Variants in MINAR1 observed in about 807,000 individuals in gnomAD.
MINAR1 encodes the protein membrane integral NOTCH2 associated receptor 1.
Under a neutral mutation model 65.1 loss-of-function variants are expected in MINAR1, and 40 were observed. The observed-to-expected ratio is 0.61, with a 90% CI of 0.48 to 0.80. The LOEUF is 0.80. Ranked by LOEUF, MINAR1 falls within the 30% of genes least tolerant of loss-of-function variation. The probability of loss-of-function intolerance (pLI) is 0.00; values close to 1 mark genes in which losing one functional copy is unlikely to be tolerated. For missense variants in MINAR1, 1,128 were observed against 1,148.0 expected (o/e 0.98, Z 0.25); for synonymous variants, 482 against 449.1 (o/e 1.07, Z -0.93).
chr15:79,456,936 T>C lies in MINAR1; in HGVS notation c.789T>C (p.Asp263=). 1 of 1,614,058 alleles carries C rather than the reference T, an allele frequency of 6.2e-7. No homozygotes were observed. Residue 263 remains aspartate (D), a synonymous_variant, in exon 2 of 4, where the codon GAT becomes GAC. Transcript: ENST00000305428. ...AGAAAAGGAATATCTTCAAAGAGGA[T>C]TTTCACAATTTGATGGCAGTGTCCC... ...CVQKRNIFKE[D]FHNLMAVSPS... is the part of the protein sequence containing the mutation.
upstream of MINAR1, among the ~76,000 whole-genome samples, chr15:79,430,189 G>T (rs1894404987): frequency 6.6e-6 from 1 of 152,104 alleles, no homozygotes; most frequent in Non-Finnish European, 1.5e-5. Flanking sequence ...TTCCAAAAGG[G>T]TTATTTCAGA....
chr15:79,466,296 A>G (rs1011398246), intron 3 of MINAR1, among the ~76,000 whole-genome samples: 28 of 152,160 alleles, frequency 1.8e-4, no homozygotes, highest in African/African-American at 6.3e-4. Flanking sequence ...GTCGCATAGC[A>G]TGTTCTAGAA....
chr15:79,466,563 T>C (rs895658626), intron 3 of MINAR1, among the ~76,000 whole-genome samples: 2 of 151,942 alleles, frequency 1.3e-5, no homozygotes, highest in African/African-American at 4.9e-5. Flanking sequence ...AAAAAATCAC[T>C]AAAAATCACT....
chr15:79,445,302 A>G (rs1350205552), intron 1 of MINAR1, among the ~76,000 whole-genome samples: 5 of 152,100 alleles, frequency 3.3e-5, no homozygotes. Context: ...AGATAAGGAA[A>G]CTAAAGTACA....
rs1895492553 is a variant in MINAR1 at position 79,457,856 on chromosome 15, G to T, written c.1709G>T (p.Gly570Val). The T allele has an allele frequency of 2.5e-6, 4 of 1,614,014 alleles. No individual in the cohort carries two copies. The South Asian group carries it at 3.3e-5, about 13-fold the overall frequency. Residue 570 changes from glycine (G) to valine (V), a missense_variant, in exon 2 of 4, where the codon GGG (glycine) becomes GTG (valine). Physicochemically the swap from Gly to Val is moderately radical, Grantham distance 109. Coordinates refer to ENST00000305428, the MANE Select transcript of MINAR1 (RefSeq NM_015206.3). ...PEHNLTKIAN[G>V]VPNSKGDKGN... ...CACAACTTAACCAAAATTGCCAATG[G>T]GGTCCCCAACAGCAAGGGAGACAAG...
intron 3 of MINAR1, among the ~76,000 whole-genome samples, chr15:79,467,749 T>G (rs1022504391): frequency 6.6e-6 from 1 of 152,242 alleles, no homozygotes. Flanking sequence ...AAAGAAGAAC[T>G]GACTCAGAGT....
chr15:79,458,253 C>T lies in MINAR1; in HGVS notation c.2106C>T (p.Ser702=), dbSNP rs142061061. ...TGCGGGTCAAGGCCTTAAAAAAAAG[C>T]CTCTTCACCAGGCCATCCTCTAGGT... The part of the protein sequence containing the change: ...ESLRVKALKK[S]LFTRPSSRSL... Residue 702 remains serine, a synonymous_variant, in exon 2 of 4, where the codon AGC becomes AGT. Coordinates refer to ENST00000305428, the MANE Select transcript of MINAR1 (RefSeq NM_015206.3). 1.3e-4 allele frequency: 213 copies of T among 1,614,106 alleles called. No homozygotes were observed. The highest frequency in any genetic ancestry group is 1.7e-4 in the Non-Finnish European group (204 of 1,180,034).
At chr15:79,428,433 C>G (rs1274973483), upstream of MINAR1, among the ~76,000 whole-genome samples, 6 of 129,798 alleles carry the variant, frequency 4.6e-5, no homozygotes, top group Non-Finnish European at 8.3e-5. Context: ...TCTTTCCTTC[C>G]TTTCTTCCCC....
chr15:79,461,799 C>G (rs1286216689), intron 2 of MINAR1, among the ~76,000 whole-genome samples: 1 of 152,002 alleles, frequency 6.6e-6, no homozygotes, highest in African/African-American at 2.4e-5. Flanking sequence ...GCTTCCAACC[C>G]CTATGCAAGC....
upstream of MINAR1, among the ~76,000 whole-genome samples, chr15:79,427,786 T>C (rs148047713): frequency 7.9e-5 from 12 of 152,328 alleles, no homozygotes; most frequent in East Asian, 2.1e-3. Flanking sequence ...TGAGGCTTAA[T>C]AGAATGAGAT....
chr15:79,436,351 C>A (rs143698191), intron 1 of MINAR1, among the ~76,000 whole-genome samples: 1 of 152,150 alleles, frequency 6.6e-6, no homozygotes, highest in Non-Finnish European at 1.5e-5. Flanking sequence ...AGCACCACAT[C>A]GTGGCATGCG....
Position 79,432,482 on chromosome 15 carries a change from C to G in MINAR1, c.-109C>G, listed in dbSNP as rs1161492825. 1 of 152,238 alleles carries G rather than the reference C, an allele frequency of 6.6e-6. No homozygotes were observed. Among genetic ancestry groups the G allele is most frequent in the Non-Finnish European group, 1.5e-5 (1 of 68,078 alleles). The allele number at this position is 152,238 out of a possible 1,614,324, so 9.4% of individuals were successfully genotyped here. On this transcript the variant is annotated 5_prime_UTR_variant, in exon 1 of 4. Transcript: ENST00000305428. Reference sequence around the variant, plus strand: ...CATCGGAGGCCGTGCGGACCACTGCCGAACAGCCGCTGGAGACCCGCAGAG... The same window carrying G: ...CATCGGAGGCCGTGCGGACCACTGCGGAACAGCCGCTGGAGACCCGCAGAG...
intron 1 of MINAR1, among the ~76,000 whole-genome samples, chr15:79,450,183 G>A (rs886738713): frequency 6.6e-6 from 1 of 152,140 alleles, no homozygotes; most frequent in Non-Finnish European, 1.5e-5. Flanking sequence ...GTTACTCTCT[G>A]GACCCCAGTT....
chr15:79,471,532 TA>T lies in MINAR1; in HGVS notation c.*3149del, dbSNP rs1371347202. ...CCATTACTAGCTGATCATAAATTGT[TA>T]GTATTTTAAGGTATGCAACTATGTG... On this transcript the variant is annotated 3_prime_UTR_variant, in exon 4 of 4. Coordinates refer to ENST00000305428, the MANE Select transcript of MINAR1 (RefSeq NM_015206.3). The T allele has an allele frequency of 1.3e-5, 2 of 152,574 alleles. No homozygotes were observed. Among genetic ancestry groups the T allele is most frequent in the East Asian group, 3.8e-4 (2 of 5,202 alleles). 9.5% of individuals were successfully genotyped at this position (152,574 alleles called of 1,614,324 possible). A position where few individuals can be genotyped will look rare whatever the true frequency, so the allele number is the denominator to read the frequency against.
chr15:79,424,427 A>C, the MINAR1 span: 37 of 152,236 alleles, frequency 2.4e-4, no homozygotes, highest in Admixed American at 2.2e-3. Context: ...TTAGAACAGC[A>C]TTAGAGAACT....
At position 79,456,820 on chromosome 15, in the gene MINAR1, A is replaced by C. The variant is rs751008922; in HGVS notation, c.673A>C (p.Ile225Leu). The C allele has an allele frequency of 6.2e-7, 1 of 1,614,048 alleles. No homozygotes were observed. Among genetic ancestry groups the C allele is most frequent in the African/African-American group, 1.3e-5 (1 of 74,920 alleles). The change falls in exon 2 of 4, where the codon ATT becomes CTT. Residue 225 changes from isoleucine (I) to leucine (L), a missense_variant. By Grantham distance (5) the Ile-to-Leu change is conservative. Transcript: ENST00000305428. ...CCCCATGAACATCGAAAACGAGTCC[A>C]TTTCAGACCAGGACTCCCTGCCCAT... ...YFPMNIENESISDQDSLPINQ... is the reference protein window; with the variant it reads ...YFPMNIENESLSDQDSLPINQ...
At chr15:79,449,293 C>G (rs1389360894) in intron 1 of MINAR1, among the ~76,000 whole-genome samples, 1 of 152,206 alleles carries the variant, frequency 6.6e-6, no homozygotes, top group African/African-American at 2.4e-5. Context: ...CAGTTCCCAG[C>G]TCTCATTTAC....
At chr15:79,446,659 T>G (rs947492558) in intron 1 of MINAR1, among the ~76,000 whole-genome samples, 3 of 152,210 alleles carry the variant, frequency 2.0e-5, no homozygotes, top group Non-Finnish European at 4.4e-5. Context: ...TGTTTAGGTA[T>G]CTAAGGGTGA....
intron 1 of MINAR1, among the ~76,000 whole-genome samples, chr15:79,440,826 A>G (rs1894850264): frequency 6.6e-6 from 1 of 151,942 alleles, no homozygotes; most frequent in Non-Finnish European, 1.5e-5. Flanking sequence ...TCTCCATAGC[A>G]CTTTCTACCA....
Sources: allele counts gnomAD v4.1 joint callset (sites outside exome capture counted in the v4.1 genomes callset), GRCh38; gene constraint gnomAD v4.1.1; transcripts MANE v1.5; gene names NCBI Gene and HGNC (gene_info 2026-07-23, HGNC 2026-07-21).